The following MASTL variants were observed in gnomAD, a reference collection of about 807,000 sequenced individuals.
The protein encoded by MASTL is serine/threonine-protein kinase greatwall.
MASTL carries 54 observed loss-of-function variants against 82.5 expected under a neutral mutation model. The ratio of observed to expected loss-of-function variants is 0.65; its 90% CI spans 0.53 to 0.82. The LOEUF (loss-of-function observed/expected upper bound fraction) is 0.82, where lower values mean the gene tolerates loss of function less well. Ranked by LOEUF, MASTL falls within the 40% of genes least tolerant of loss-of-function variation. The probability of loss-of-function intolerance (pLI) is 0.00; values close to 1 mark genes in which losing one functional copy is unlikely to be tolerated. For missense variants in MASTL, 950 were observed against 1,047.8 expected (o/e 0.91, Z 1.29); for synonymous variants, 323 against 368.9 (o/e 0.88, Z 1.43).
Position 27,171,079 on chromosome 10 carries a change from A to T in MASTL, c.2120A>T (p.His707Leu), listed in dbSNP as rs34635408. The T allele has an allele frequency of 8.5e-4, 1,370 of 1,612,674 alleles. 3 individuals are homozygous for T. Among genetic ancestry groups the T allele is most frequent in the Non-Finnish European group, 1.0e-3 (1,224 of 1,178,660 alleles). ...PTQKRRSCMP[H>L]QQTPNQIKSG... ...CAAAAAAGAAGATCCTGTATGCCAC[A>T]TCAGGTATATTTATAACTTTCTAAT... is the stretch of plus-strand genomic sequence containing the variant. Residue 707 changes from histidine to leucine, a missense_variant, in exon 8 of 12, where the codon CAT becomes CTT. By Grantham distance (99) the His-to-Leu change is moderately conservative. Transcript: ENST00000375940.
intron 11 of MASTL, among the ~76,000 whole-genome samples, chr10:27,183,852 C>T (rs1263497810): frequency 2.6e-5 from 4 of 152,080 alleles, no homozygotes; most frequent in Non-Finnish European, 4.4e-5. Flanking sequence ...GCTGGTACTA[C>T]TGGTGCACAC....
intron 9 of MASTL, among the ~76,000 whole-genome samples, chr10:27,180,241 A>G (rs1351867225): frequency 1.3e-5 from 2 of 152,268 alleles, no homozygotes; most frequent in Admixed American, 1.3e-4. Context: ...TAAGGTTGTA[A>G]CGAGCAAGTC....
intron 7 of MASTL, 92 bp downstream of exon 7, chr10:27,167,366 AATGAAATTGTTAC>A: frequency 8.7e-7 from 1 of 1,151,548 alleles, no homozygotes; most frequent in Non-Finnish European, 1.3e-6. Flanking sequence ...TCCATAAAGA[AATGAAATTGTTAC>A]ATGAATGGCA....
chr10:27,158,823 GTTATA>G (rs1040416255), intron 2 of MASTL, 137 bp downstream of exon 2: 27 of 849,528 alleles, frequency 3.2e-5, no homozygotes, highest in Non-Finnish European at 3.9e-5. Flanking sequence ...AAATTTACCT[GTTATA>G]TTAGTTAGAG....
intron 9 of MASTL, among the ~76,000 whole-genome samples, chr10:27,176,389 A>C (rs2058102079): frequency 6.6e-6 from 1 of 152,208 alleles, no homozygotes; most frequent in Non-Finnish European, 1.5e-5. Flanking sequence ...CAAAACCATC[A>C]CATGGCTTAT....
At chr10:27,156,952 C>G (rs1456868240) in intron 1 of MASTL, among the ~76,000 whole-genome samples, 1 of 151,448 alleles carries the variant, frequency 6.6e-6, no homozygotes, top group Non-Finnish European at 1.5e-5. Flanking sequence ...GGGATTCCCG[C>G]CACCACACCG....
At position 27,186,857 on chromosome 10, in the gene MASTL, C is replaced by T. The variant is rs760506828; in HGVS notation, c.*321C>T. On this transcript the variant is annotated 3_prime_UTR_variant, in exon 12 of 12. Coordinates refer to ENST00000375940, the MANE Select transcript of MASTL (RefSeq NM_001172303.3). ...GTGAGCCACTAGCTTGATTTTCTTT[C>T]TCCTCTGATTTCAGTTCACTGTTCA... is the stretch of plus-strand genomic sequence containing the variant. 1 of 338,556 alleles carries T rather than the reference C, an allele frequency of 3.0e-6. No individual in the cohort carries two copies. Among genetic ancestry groups the T allele is most frequent in the African/African-American group, 2.1e-5 (1 of 47,186 alleles). 21.0% of individuals were successfully genotyped at this position (338,556 alleles called of 1,614,324 possible).
chr10:27,157,701 G>A (rs1276216989), intron 1 of MASTL, among the ~76,000 whole-genome samples: 1 of 151,976 alleles, frequency 6.6e-6, no homozygotes, highest in Non-Finnish European at 1.5e-5. Flanking sequence ...TTTCTGTACA[G>A]ATTACCTTGA....
rs2057317408 is a variant in MASTL, at chr10:27,155,369, C to CGGGAGTGGCTGCTCGCGGAGG, written c.-55_-35dup. On this transcript the variant is annotated 5_prime_UTR_variant, in exon 1 of 12. Coordinates refer to ENST00000375940, the MANE Select transcript of MASTL (RefSeq NM_001172303.3). Reference sequence around the variant, plus strand: ...GGAGCCTCACTTTGAACCCAGTTGGCGGGAGTGGCTGCTCGCGGAGGGGCA... The same window carrying CGGGAGTGGCTGCTCGCGGAGG: ...GGAGCCTCACTTTGAACCCAGTTGGCGGGAGTGGCTGCTCGCGGAGGGGGAGTGGCTGCTCGCGGAGGGGCA... 1 of 1,513,414 alleles carries CGGGAGTGGCTGCTCGCGGAGG rather than the reference C, an allele frequency of 6.6e-7. No individual in the cohort carries two copies. Among genetic ancestry groups the CGGGAGTGGCTGCTCGCGGAGG allele is most frequent in the East Asian group, 2.4e-5 (1 of 41,282 alleles). The allele number at this position is 1,513,414 out of a possible 1,614,324, so 93.7% of individuals were successfully genotyped here.
At chr10:27,161,243 C>T in intron 4 of MASTL, 61 bp downstream of exon 4, 9 of 969,120 alleles carry the variant, frequency 9.3e-6, no homozygotes, top group Non-Finnish European at 1.5e-5. Flanking sequence ...CGTGGTGGCT[C>T]ACACCTGTAA....
At chr10:27,164,281 C>A (rs2057669866) in intron 4 of MASTL, among the ~76,000 whole-genome samples, 1 of 152,016 alleles carries the variant, frequency 6.6e-6, no homozygotes, top group African/African-American at 2.4e-5. Context: ...GTAGCTGGGA[C>A]TACAGGTGCT....
intron 7 of MASTL, among the ~76,000 whole-genome samples, chr10:27,167,842 T>G (rs1172517450): frequency 2.0e-5 from 3 of 152,166 alleles, no homozygotes; most frequent in African/African-American, 7.2e-5. Flanking sequence ...TTTTGCCTTT[T>G]TAAACAGTTA....
In MASTL at chr10:27,169,997, G is replaced by C; in HGVS notation, c.1038G>C (p.Lys346Asn). ...PTMMSWNAVE[K>N]LCAKSANAIE... ...TGATGAGTTGGAATGCAGTTGAAAA[G>C]TTATGCGCAAAATCTGCAAATGCCA... Residue 346 changes from lysine to asparagine, a missense_variant, in exon 8 of 12, where the codon AAG becomes AAC. Physicochemically the swap from Lys to Asn is moderately conservative, Grantham distance 94. Transcript: ENST00000375940. 6.2e-7 allele frequency: 1 copy of C among 1,614,178 alleles called. No homozygotes were observed. Among genetic ancestry groups the C allele is most frequent in the Non-Finnish European group, 8.5e-7 (1 of 1,180,036 alleles).
At chr10:27,164,938 A>G (rs927468751) in intron 4 of MASTL, 126 bp from the exon 5 acceptor site, 1 of 691,872 alleles carries the variant, frequency 1.4e-6, no homozygotes, top group African/African-American at 1.8e-5. Context: ...GTGCCCAGCC[A>G]CTGTCTCCTT....
chr10:27,163,876 C>T (rs1301063565), intron 4 of MASTL, among the ~76,000 whole-genome samples: 23 of 152,084 alleles, frequency 1.5e-4, no homozygotes, highest in East Asian at 3.9e-4. Flanking sequence ...GTGATCCACC[C>T]GCCCTGGACT....
intron 11 of MASTL, among the ~76,000 whole-genome samples, chr10:27,182,718 G>A (rs185422196): frequency 2.5e-3 from 377 of 152,132 alleles, no homozygotes; most frequent in Non-Finnish European, 3.9e-3. Context: ...ATTTCAGCCT[G>A]GGAAACAAAG....
intron 9 of MASTL, among the ~76,000 whole-genome samples, chr10:27,176,743 T>G (rs1238903201): frequency 2.0e-5 from 3 of 152,218 alleles, no homozygotes; most frequent in Non-Finnish European, 4.4e-5. Context: ...AGAAACTGTT[T>G]AAAATTTATG....
chr10:27,178,382 C>T (rs2058168311), intron 9 of MASTL, among the ~76,000 whole-genome samples: 2 of 124,846 alleles, frequency 1.6e-5, no homozygotes, highest in African/African-American at 3.1e-5. Flanking sequence ...GGTGACAGAG[C>T]GAGACTCCAT....
chr10:27,155,343 C>A (rs990243777), upstream of MASTL: 1 of 1,380,664 alleles, frequency 7.2e-7, no homozygotes, highest in African/African-American at 1.4e-5. Flanking sequence ...GCGGCGTGGG[C>A]GGAGCCTCAC....
Sources: gnomAD v4.1 joint callset for allele counts (sites outside exome capture counted in the v4.1 genomes callset) on GRCh38, gnomAD v4.1.1 for gene constraint, MANE v1.5 for transcripts, NCBI Gene and HGNC (gene_info 2026-07-23, HGNC 2026-07-21) for gene names.